The following CAMK2D variants were observed in gnomAD, a reference collection of about 807,000 sequenced individuals.
CAMK2D encodes calcium/calmodulin-dependent protein kinase type II subunit delta.
In CAMK2D, 37 loss-of-function variants were observed where a neutral mutation model predicts 84.0. The ratio of observed to expected loss-of-function variants is 0.44; its 90% CI spans 0.34 to 0.58. The LOEUF is 0.58. CAMK2D is among the 20% of genes least tolerant of loss of function. CAMK2D has a pLI of 0.02. For missense variants in CAMK2D, 448 were observed against 652.5 expected (o/e 0.69, Z 3.41); for synonymous variants, 202 against 212.5 (o/e 0.95, Z 0.43).
At chr4:113,717,669 G>A (rs1330438328) in intron 2 of CAMK2D, among the ~76,000 whole-genome samples, 1 of 152,104 alleles carries the variant, frequency 6.6e-6, no homozygotes, top group Non-Finnish European at 1.5e-5. Flanking sequence ...AGATGGTGGA[G>A]AGAGTTGAAT....
intron 8 of CAMK2D, among the ~76,000 whole-genome samples, chr4:113,519,493 A>T: frequency 6.6e-6 from 1 of 150,864 alleles, no homozygotes; most frequent in South Asian, 2.1e-4. Flanking sequence ...GTGAAGATTA[A>T]AAAAAACACT....
chr4:113,709,171 A>G (rs993171951), intron 2 of CAMK2D, among the ~76,000 whole-genome samples: 2 of 148,908 alleles, frequency 1.3e-5, no homozygotes, highest in African/African-American at 5.0e-5. Flanking sequence ...TCACTCCATC[A>G]TCTGTGAAAT....
intron 2 of CAMK2D, among the ~76,000 whole-genome samples, chr4:113,725,851 T>C (rs1433752245): frequency 6.6e-6 from 1 of 152,276 alleles, no homozygotes; most frequent in African/African-American, 2.4e-5. Flanking sequence ...GATATATATA[T>C]ACCATCTAAG....
intron 3 of CAMK2D, among the ~76,000 whole-genome samples, chr4:113,652,495 C>G (rs577999540): frequency 6.6e-6 from 1 of 152,130 alleles, no homozygotes; most frequent in Non-Finnish European, 1.5e-5. Context: ...TTTAAGTGAA[C>G]AAAAAGTGTT....
At chr4:113,567,553 C>T (rs1007530206) in intron 4 of CAMK2D, among the ~76,000 whole-genome samples, 1 of 152,150 alleles carries the variant, frequency 6.6e-6, no homozygotes, top group African/African-American at 2.4e-5. Flanking sequence ...CATTTCTAAG[C>T]TTTATAATTC....
chr4:113,582,458 AC>A (rs1321134669), intron 4 of CAMK2D, among the ~76,000 whole-genome samples: 1 of 152,176 alleles, frequency 6.6e-6, no homozygotes, highest in East Asian at 1.9e-4. Flanking sequence ...TCGTCGTGTA[AC>A]CATCATGTGA....
intron 12 of CAMK2D, among the ~76,000 whole-genome samples, chr4:113,511,260 T>C (rs2098210446): frequency 6.6e-6 from 1 of 151,896 alleles, no homozygotes; most frequent in South Asian, 2.1e-4. Context: ...GTACAAGATG[T>C]TGTAACTGGG....
In CAMK2D at chr4:113,505,145, C is replaced by T. The variant is rs142253888; in HGVS notation, c.985-110G>A. On this transcript the variant is annotated intron_variant, in intron 13 of 20. Coordinates refer to ENST00000511664, the MANE Select transcript of CAMK2D (RefSeq NM_001321571.2). ...ATGTAGACATGAAGATAAAGAGCCA[C>T]TGAAGATGAACGTGAAAGACATGGT... 26 of 518,642 alleles carry T rather than the reference C, an allele frequency of 5.0e-5. No individual in the cohort carries two copies. In the African/African-American group the frequency reaches 5.2e-4, roughly 10 times the overall value. The allele number at this position is 518,642 out of a possible 1,614,324, so 32.1% of individuals were successfully genotyped here.
chr4:113,645,056 G>A (rs189982698), intron 3 of CAMK2D, among the ~76,000 whole-genome samples: 6 of 152,094 alleles, frequency 3.9e-5, no homozygotes, highest in East Asian at 1.9e-4. Flanking sequence ...TCGCTCTGTC[G>A]CCCAGGCTGG....
intron 8 of CAMK2D, among the ~76,000 whole-genome samples, chr4:113,522,862 T>A (rs904061081): frequency 1.2e-4 from 18 of 152,146 alleles, no homozygotes; most frequent in African/African-American, 4.3e-4. Context: ...CTGCCTGCAA[T>A]GGAGAGAATG....
intron 2 of CAMK2D, among the ~76,000 whole-genome samples, chr4:113,757,528 A>G (rs943764657): frequency 2.0e-5 from 3 of 152,140 alleles, no homozygotes; most frequent in African/African-American, 7.2e-5. Flanking sequence ...TAGGTACGTT[A>G]ACCTACAACA....
chr4:113,696,231 C>CACACAT (rs1491030841), intron 2 of CAMK2D, among the ~76,000 whole-genome samples: 1 of 142,534 alleles, frequency 7.0e-6, no homozygotes, highest in African/African-American at 2.6e-5. Flanking sequence ...CACACACACA[C>CACACAT]ATACACATAT....
intron 3 of CAMK2D, among the ~76,000 whole-genome samples, chr4:113,660,223 C>T (rs1372439256): frequency 2.6e-5 from 4 of 152,292 alleles, no homozygotes; most frequent in Middle Eastern, 3.4e-3. Flanking sequence ...CCTATTATCA[C>T]AGAATCCAGT....
At chr4:113,743,637 T>C (rs2099597940) in intron 2 of CAMK2D, among the ~76,000 whole-genome samples, 1 of 152,176 alleles carries the variant, frequency 6.6e-6, no homozygotes, top group Non-Finnish European at 1.5e-5. Context: ...CCCAAGCTTA[T>C]CTCTTATTCT....
intron 2 of CAMK2D, among the ~76,000 whole-genome samples, chr4:113,713,537 A>G (rs1362094589): frequency 1.3e-5 from 2 of 148,224 alleles, no homozygotes; most frequent in Non-Finnish European, 3.0e-5. Flanking sequence ...TATATATAGT[A>G]TTATTAATAT....
At chr4:113,457,302 T>C in intron 19 of CAMK2D, 33 bp downstream of exon 19, 4 of 1,612,046 alleles carry the variant, frequency 2.5e-6, no homozygotes, top group Non-Finnish European at 3.4e-6. Flanking sequence ...ATGGGTGTAT[T>C]AACAAAGAAG....
intron 2 of CAMK2D, among the ~76,000 whole-genome samples, chr4:113,733,671 T>C (rs2099574365): frequency 6.6e-6 from 1 of 152,218 alleles, no homozygotes; most frequent in South Asian, 2.1e-4. Context: ...AAAGATATAG[T>C]TACTTAACAT....
chr4:113,715,242 C>T (rs542181319), intron 2 of CAMK2D, among the ~76,000 whole-genome samples: 2 of 152,202 alleles, frequency 1.3e-5, no homozygotes, highest in Admixed American at 6.5e-5. Context: ...TCTGTACATT[C>T]TCCTGGACCT....
intron 3 of CAMK2D, among the ~76,000 whole-genome samples, chr4:113,651,347 T>G (rs1267087198): frequency 6.6e-6 from 1 of 152,154 alleles, no homozygotes; most frequent in East Asian, 1.9e-4. Flanking sequence ...CTTCTACCTA[T>G]GGAGCATTTT....
Sources: gnomAD v4.1 joint callset for allele counts (sites outside exome capture counted in the v4.1 genomes callset) on GRCh38, gnomAD v4.1.1 for gene constraint, MANE v1.5 for transcripts, NCBI Gene and HGNC (gene_info 2026-07-23, HGNC 2026-07-21) for gene names.